Variants in ADGRB3 observed in about 807,000 individuals in gnomAD.
The protein encoded by ADGRB3 is brain-specific angiogenesis inhibitor 3.
In ADGRB3, 37 loss-of-function variants were observed where a neutral mutation model predicts 193.4. That is an observed-to-expected ratio of 0.19 (90% CI 0.15 to 0.25). The LOEUF is 0.25. ADGRB3 is among the 10% of genes least tolerant of loss of function. The pLI is 1.00. For synonymous variants in ADGRB3, 690 were observed against 644.2 expected (o/e 1.07, Z -1.08); for missense variants, 1,637 against 1,852.9 (o/e 0.88, Z 2.14).
intron 3 of ADGRB3, among the ~76,000 whole-genome samples, chr6:68,670,187 T>C (rs1768910065): frequency 6.6e-6 from 1 of 152,036 alleles, no homozygotes; most frequent in Non-Finnish European, 1.5e-5. Flanking sequence ...GTCAGATGGG[T>C]AGTTTGTAAA....
At chr6:69,320,071 T>G (rs1421483000) in intron 20 of ADGRB3, among the ~76,000 whole-genome samples, 1 of 151,432 alleles carries the variant, frequency 6.6e-6, no homozygotes, top group African/African-American at 2.4e-5. Context: ...TTGTTATTAT[T>G]TTTTGTGGTT....
intron 3 of ADGRB3, among the ~76,000 whole-genome samples, chr6:68,910,620 A>T (rs1309923486): frequency 1.3e-5 from 2 of 152,230 alleles, no homozygotes; most frequent in African/African-American, 4.8e-5. Flanking sequence ...AGCTTTCTAC[A>T]TATGGCTATC....
rs573563922 is a variant in ADGRB3, at chr6:68,748,626, A to C, written c.757+109194A>C. Among the ~76,000 whole-genome samples, 26 of 152,116 alleles carry C rather than the reference A, an allele frequency of 1.7e-4. No homozygotes were observed. In the South Asian group the frequency reaches 5.4e-3, roughly 32 times the overall value. On this transcript the variant is annotated intron_variant, in intron 3 of 31. Transcript: ENST00000370598. ...TGGCTCCTTTCATGGGCTGGCATTG[A>C]GTGTCTGTGGCTTTTCCAGGTGCAT...
chr6:69,242,149 G>A (rs1458061231), intron 20 of ADGRB3, among the ~76,000 whole-genome samples: 1 of 151,812 alleles, frequency 6.6e-6, no homozygotes, highest in Non-Finnish European at 1.5e-5. Context: ...CTGTATTTGG[G>A]ATTAATGGTG....
chr6:68,834,903 T>C (rs1701144772), intron 3 of ADGRB3, among the ~76,000 whole-genome samples: 1 of 152,120 alleles, frequency 6.6e-6, no homozygotes, highest in Non-Finnish European at 1.5e-5. Context: ...TTCGGTCAAA[T>C]TGAATGTAAG....
In ADGRB3 at chr6:69,194,978, A is replaced by T. The variant is rs534265095; in HGVS notation, c.2481-38312A>T. 2.0e-4 allele frequency among the ~76,000 whole-genome samples: 30 copies of T among 152,262 alleles called. 2 individuals carry two copies. The South Asian group carries it at 6.2e-3, about 32-fold the overall frequency. ...TATTTTTTATTTATCATATGGACAT[A>T]TGGCTAGAGATGGGTGTGTGTTTGT... is the stretch of plus-strand genomic sequence containing the variant. On this transcript the variant is annotated intron_variant, in intron 17 of 31. Coordinates refer to ENST00000370598, the MANE Select transcript of ADGRB3 (RefSeq NM_001704.3).
At chr6:68,998,730 T>C (rs1245813253) in intron 11 of ADGRB3, among the ~76,000 whole-genome samples, 1 of 152,236 alleles carries the variant, frequency 6.6e-6, no homozygotes, top group African/African-American at 2.4e-5. Context: ...GGAAATAATT[T>C]ATGACATTAT....
At chr6:68,907,111 A>T (rs1766569707) in intron 3 of ADGRB3, among the ~76,000 whole-genome samples, 1 of 151,956 alleles carries the variant, frequency 6.6e-6, no homozygotes, top group Non-Finnish European at 1.5e-5. Context: ...AGTAATTCGG[A>T]TTCAAATTTA....
chr6:68,688,878 G>T (rs1445809675), intron 3 of ADGRB3, among the ~76,000 whole-genome samples: 1 of 151,988 alleles, frequency 6.6e-6, no homozygotes. Context: ...ATTTTCTCTG[G>T]CATTATTTAA....
At chr6:68,911,588 A>G (rs558382011) in intron 3 of ADGRB3, among the ~76,000 whole-genome samples, 2 of 152,126 alleles carry the variant, frequency 1.3e-5, no homozygotes, top group African/African-American at 4.8e-5. Flanking sequence ...TTAACAATTA[A>G]AAAGAAAGTG....
intron 3 of ADGRB3, among the ~76,000 whole-genome samples, chr6:68,804,334 G>T (rs1767364394): frequency 6.6e-6 from 1 of 152,158 alleles, no homozygotes; most frequent in Non-Finnish European, 1.5e-5. Context: ...ATGTCAATCT[G>T]CTGTGTCATT....
At chr6:69,367,992 T>C (rs974629558) in intron 29 of ADGRB3, among the ~76,000 whole-genome samples, 3 of 87,788 alleles carry the variant, frequency 3.4e-5, no homozygotes, top group African/African-American at 1.4e-4. Flanking sequence ...CTGGGGACTG[T>C]GGTGGGGTGG....
intron 17 of ADGRB3, among the ~76,000 whole-genome samples, chr6:69,148,836 C>T (rs62406797): frequency 0.12 from 18,906 of 152,118 alleles, 1,252 homozygotes; most frequent in Middle Eastern, 0.29. Flanking sequence ...TTGTTTCCTT[C>T]GGCACCTTAA....
chr6:68,693,893 A>G (rs1283813032), intron 3 of ADGRB3, among the ~76,000 whole-genome samples: 1 of 152,042 alleles, frequency 6.6e-6, no homozygotes, highest in Non-Finnish European at 1.5e-5. Context: ...TATATGAACC[A>G]GTTAACTGGA....
intron 20 of ADGRB3, among the ~76,000 whole-genome samples, chr6:69,281,682 C>T (rs1215317307): frequency 2.6e-5 from 4 of 152,058 alleles, no homozygotes; most frequent in Admixed American, 2.6e-4. Context: ...TCCATCCTGC[C>T]AAGATTCTGG....
chr6:69,149,035 G>A (rs1425111249), intron 17 of ADGRB3, among the ~76,000 whole-genome samples: 1 of 152,148 alleles, frequency 6.6e-6, no homozygotes, highest in East Asian at 1.9e-4. Context: ...AGGTAAATCT[G>A]TGAGATGTTC....
At chr6:69,064,400 G>A (rs1313818700) in intron 16 of ADGRB3, among the ~76,000 whole-genome samples, 2 of 151,460 alleles carry the variant, frequency 1.3e-5, no homozygotes, top group Non-Finnish European at 3.0e-5. Context: ...GTGTTTTCCT[G>A]CTTTTGTCAA....
At chr6:69,303,321 T>C (rs894817047) in intron 20 of ADGRB3, among the ~76,000 whole-genome samples, 3 of 151,990 alleles carry the variant, frequency 2.0e-5, no homozygotes, top group Admixed American at 6.6e-5. Flanking sequence ...TTATGATGCA[T>C]GTCCCTAAAG....
intron 3 of ADGRB3, among the ~76,000 whole-genome samples, chr6:68,813,472 C>A (rs1450499029): frequency 6.6e-6 from 1 of 151,952 alleles, no homozygotes; most frequent in Non-Finnish European, 1.5e-5. Flanking sequence ...ACATATTAGA[C>A]CTAATATTAC....
Sources: allele counts gnomAD v4.1 joint callset (sites outside exome capture counted in the v4.1 genomes callset), GRCh38; gene constraint gnomAD v4.1.1; transcripts MANE v1.5; gene names NCBI Gene and HGNC (gene_info 2026-07-23, HGNC 2026-07-21).